KHDRBS2: variants seen among roughly 807,000 people sequenced by gnomAD.
KHDRBS2 encodes KH domain-containing, RNA-binding, signal transduction-associated protein 2.
A neutral mutation model predicts 44.3 loss-of-function variants in KHDRBS2; 26 were observed. That is an observed-to-expected ratio of 0.59 (90% CI 0.43 to 0.81). The LOEUF is 0.81. Among genes scored for constraint, KHDRBS2 ranks in the 40% least tolerant of loss-of-function variants. The pLI, the probability that KHDRBS2 is intolerant of heterozygous loss-of-function variation, is 0.00. For synonymous variants in KHDRBS2, 194 were observed against 151.1 expected, an observed-to-expected ratio of 1.28 and a Z score of -2.08; for missense variants, 476 against 433.1, an observed-to-expected ratio of 1.10 and a Z score of -0.88.
chr6:62,116,912 G>GGT (rs1806373917), intron 2 of KHDRBS2, among the ~76,000 whole-genome samples: 1 of 152,080 alleles, frequency 6.6e-6, no homozygotes, highest in Non-Finnish European at 1.5e-5. Flanking sequence ...ATGACCTCCA[G>GGT]TGATGGGATT....
intron 1 of KHDRBS2, among the ~76,000 whole-genome samples, chr6:62,235,235 C>CT (rs1248094171): frequency 1.3e-5 from 2 of 151,912 alleles, no homozygotes; most frequent in African/African-American, 4.8e-5. Flanking sequence ...ACTTTGAACT[C>CT]TGTTTTATAT....
At chr6:62,172,036 C>G (rs2150119955) in intron 2 of KHDRBS2, among the ~76,000 whole-genome samples, 1 of 152,228 alleles carries the variant, frequency 6.6e-6, no homozygotes, top group South Asian at 2.1e-4. Flanking sequence ...TGCATAATAA[C>G]TACCTAATAA....
intron 6 of KHDRBS2, among the ~76,000 whole-genome samples, chr6:61,808,136 T>A (rs926948184): frequency 6.6e-6 from 1 of 152,158 alleles, no homozygotes; most frequent in Non-Finnish European, 1.5e-5. Context: ...TTAAAATGAT[T>A]TTAAATATAT....
chr6:62,024,752 T>C (rs1782985950), intron 3 of KHDRBS2, among the ~76,000 whole-genome samples: 1 of 151,662 alleles, frequency 6.6e-6, no homozygotes, highest in Non-Finnish European at 1.5e-5. Flanking sequence ...CTTTGACCTT[T>C]TATTTTTTCA....
chr6:62,201,338 T>C (rs1289316559), intron 1 of KHDRBS2, among the ~76,000 whole-genome samples: 3 of 152,090 alleles, frequency 2.0e-5, no homozygotes. Context: ...TAGAATGTAA[T>C]AGATGTGGCA....
intron 6 of KHDRBS2, among the ~76,000 whole-genome samples, chr6:61,783,369 G>A (rs1336917063): frequency 2.0e-5 from 3 of 151,992 alleles, no homozygotes; most frequent in Non-Finnish European, 2.9e-5. Context: ...CTAGCCCAGC[G>A]CTTTCCATGT....
intron 6 of KHDRBS2, among the ~76,000 whole-genome samples, chr6:61,749,334 G>GTGGC (rs1349932114): frequency 6.6e-6 from 1 of 152,066 alleles, no homozygotes; most frequent in East Asian, 1.9e-4. Flanking sequence ...GTAGGTACAA[G>GTGGC]TGGCTACATG....
At chr6:61,553,258 C>T in the KHDRBS2 span, among the ~76,000 whole-genome samples, 2 of 152,034 alleles carry the variant, frequency 1.3e-5, no homozygotes, top group Admixed American at 6.6e-5. Context: ...GGAATCTATC[C>T]ATTTATCCTA....
At chr6:62,089,483 G>A (rs1252397438) in intron 2 of KHDRBS2, among the ~76,000 whole-genome samples, 2 of 152,104 alleles carry the variant, frequency 1.3e-5, no homozygotes, top group Non-Finnish European at 2.9e-5. Context: ...AGGAGAAGGA[G>A]TTCCCTGACC....
At chr6:61,862,170 G>C (rs1797082754) in intron 6 of KHDRBS2, among the ~76,000 whole-genome samples, 2 of 152,080 alleles carry the variant, frequency 1.3e-5, no homozygotes, top group African/African-American at 4.8e-5. Flanking sequence ...ACCAAAGGTA[G>C]TTTGTAAGCA....
the KHDRBS2 span, among the ~76,000 whole-genome samples, chr6:61,606,913 G>T: frequency 6.6e-6 from 1 of 152,076 alleles, no homozygotes; most frequent in Non-Finnish European, 1.5e-5. Flanking sequence ...AATATTTTTG[G>T]TTTCCTTTAG....
chr6:62,017,948 C>T (rs1781510903), intron 3 of KHDRBS2, among the ~76,000 whole-genome samples: 1 of 151,656 alleles, frequency 6.6e-6, no homozygotes, highest in Non-Finnish European at 1.5e-5. Context: ...ATTTATTCTC[C>T]ACTGCAAGTT....
At chr6:62,089,284 AAAG>A (rs1799041686) in intron 2 of KHDRBS2, among the ~76,000 whole-genome samples, 3 of 151,208 alleles carry the variant, frequency 2.0e-5, no homozygotes, top group Admixed American at 2.0e-4. Context: ...AAAAAAAAAA[AAAG>A]ACTCCTGCAG....
the KHDRBS2 span, among the ~76,000 whole-genome samples, chr6:61,592,188 C>CAAAAAAAAAAAAAAAAAAAAAAAA: frequency 8.2e-6 from 1 of 122,276 alleles, no homozygotes; most frequent in Non-Finnish European, 1.7e-5. Context: ...AAGATCCCAC[C>CAAAAAAAAAAAAAAAAAAAAAAAA]AAAAAAAAAA....
intron 4 of KHDRBS2, among the ~76,000 whole-genome samples, chr6:61,973,676 C>T (rs564821024): frequency 6.6e-6 from 1 of 152,106 alleles, no homozygotes; most frequent in East Asian, 1.9e-4. Flanking sequence ...AACAGTTACA[C>T]ACATACACAC....
At chr6:62,278,022 C>T (rs1162516251) in intron 1 of KHDRBS2, among the ~76,000 whole-genome samples, 1 of 152,156 alleles carries the variant, frequency 6.6e-6, no homozygotes, top group African/African-American at 2.4e-5. Context: ...AGAATATCAT[C>T]TATTAGTGGT....
At chr6:62,000,596 G>A (rs1584070156) in intron 3 of KHDRBS2, among the ~76,000 whole-genome samples, 1 of 152,150 alleles carries the variant, frequency 6.6e-6, no homozygotes, top group Non-Finnish European at 1.5e-5. Context: ...GGTCAATGTA[G>A]GCTTTACAGA....
intron 2 of KHDRBS2, among the ~76,000 whole-genome samples, chr6:62,128,587 T>G (rs1809518454): frequency 6.6e-6 from 1 of 152,038 alleles, no homozygotes; most frequent in Admixed American, 6.6e-5. Context: ...GAATATTCTC[T>G]TTTTATGGCG....
At chr6:61,960,990 G>C (rs1298915884) in intron 4 of KHDRBS2, among the ~76,000 whole-genome samples, 2 of 152,080 alleles carry the variant, frequency 1.3e-5, no homozygotes, top group African/African-American at 4.8e-5. Flanking sequence ...TTGAAGTAGT[G>C]TTCAGTTTAT....
Sources: gnomAD v4.1 joint callset for allele counts (sites outside exome capture counted in the v4.1 genomes callset) on GRCh38, gnomAD v4.1.1 for gene constraint, MANE v1.5 for transcripts, NCBI Gene and HGNC (gene_info 2026-07-23, HGNC 2026-07-21) for gene names.